GABPB1: variants seen among roughly 807,000 people sequenced by gnomAD.
GABPB1 encodes the protein GA binding protein transcription factor subunit beta 1.
GABPB1 carries 15 observed loss-of-function variants against 45.9 expected under a neutral mutation model. That is an observed-to-expected ratio of 0.33 (90% CI 0.22 to 0.50). The LOEUF is 0.50. Ranked by LOEUF, GABPB1 falls within the 20% of genes least tolerant of loss-of-function variation. The pLI, the probability that GABPB1 is intolerant of heterozygous loss-of-function variation, is 0.98. For synonymous variants in GABPB1, 143 were observed against 154.4 expected (o/e 0.93, Z 0.55); for missense variants, 252 against 457.5 (o/e 0.55, Z 4.10).
chr15:50,298,736 G>C (rs1372312918), intron 6 of GABPB1, among the ~76,000 whole-genome samples: 2 of 152,164 alleles, frequency 1.3e-5, no homozygotes, highest in African/African-American at 4.8e-5. Context: ...GCAGATCACT[G>C]AGGTGAGGAG....
chr15:50,293,383 A>G (rs1462945949), intron 6 of GABPB1, among the ~76,000 whole-genome samples: 2 of 152,240 alleles, frequency 1.3e-5, no homozygotes, highest in East Asian at 1.9e-4. Flanking sequence ...AAGGATCACA[A>G]TACAAACCAC....
At chr15:50,314,456 T>G (rs1372254312) in intron 1 of GABPB1, 1 of 152,636 alleles carries the variant, frequency 6.6e-6, no homozygotes, top group African/African-American at 2.4e-5. Context: ...GTGCTGGGAT[T>G]ACAGGCGTGA....
At chr15:50,289,767 C>CTTTTCAT in intron 6 of GABPB1, 99 bp from the exon 7 acceptor site, 1 of 701,840 alleles carries the variant, frequency 1.4e-6, no homozygotes, top group Non-Finnish European at 2.2e-6. Flanking sequence ...ATGCTTCTTT[C>CTTTTCAT]TTTTCTTTTT....
At chr15:50,328,257 A>G (rs1264287619) in intron 1 of GABPB1, among the ~76,000 whole-genome samples, 15 of 151,684 alleles carry the variant, frequency 9.9e-5, no homozygotes, top group Admixed American at 9.2e-4. Flanking sequence ...AAAAAATTGT[A>G]CTTTACAGCT....
chr15:50,342,165 T>C (rs2048397795), intron 1 of GABPB1, among the ~76,000 whole-genome samples: 4 of 152,214 alleles, frequency 2.6e-5, no homozygotes. Flanking sequence ...CTCCGATAAG[T>C]TTCCCTTGAC....
chr15:50,335,029 G>A (rs1477593063), intron 1 of GABPB1, among the ~76,000 whole-genome samples: 1 of 152,210 alleles, frequency 6.6e-6, no homozygotes, highest in African/African-American at 2.4e-5. Flanking sequence ...GGCCTAAGAT[G>A]AAGGAGCCTT....
intron 6 of GABPB1, among the ~76,000 whole-genome samples, chr15:50,299,423 G>C (rs1341316481): frequency 6.6e-6 from 1 of 152,158 alleles, no homozygotes; most frequent in Non-Finnish European, 1.5e-5. Flanking sequence ...TTTTGAGACA[G>C]AGTTTTGCTC....
intron 1 of GABPB1, among the ~76,000 whole-genome samples, chr15:50,316,971 G>A (rs2047354294): frequency 6.6e-6 from 1 of 151,752 alleles, no homozygotes; most frequent in Non-Finnish European, 1.5e-5. Context: ...TAATATTTCA[G>A]TACAGATCTC....
chr15:50,339,197 A>C (rs1051361602), intron 1 of GABPB1, among the ~76,000 whole-genome samples: 1 of 152,188 alleles, frequency 6.6e-6, no homozygotes, highest in Non-Finnish European at 1.5e-5. Flanking sequence ...GCGTGCCTGT[A>C]GTCCCAGTTA....
intron 7 of GABPB1, among the ~76,000 whole-genome samples, chr15:50,287,615 A>T (rs1055957651): frequency 3.9e-5 from 6 of 152,184 alleles, no homozygotes; most frequent in African/African-American, 1.4e-4. Flanking sequence ...GAAGAAACCA[A>T]ACCTGCCCAA....
chr15:50,337,062 TG>T (rs2141142397), intron 1 of GABPB1, among the ~76,000 whole-genome samples: 2 of 40,300 alleles, frequency 5.0e-5, no homozygotes, highest in South Asian at 7.2e-4. Flanking sequence ...AAAAATTACA[TG>T]TATATGTGTG....
At chr15:50,314,914 C>T (rs762741624) in intron 1 of GABPB1, among the ~76,000 whole-genome samples, 3 of 152,218 alleles carry the variant, frequency 2.0e-5, no homozygotes, top group African/African-American at 4.8e-5. Context: ...ACCAATATCA[C>T]GTATCAATCA....
chr15:50,291,634 A>T (rs1403129022), intron 6 of GABPB1, among the ~76,000 whole-genome samples: 2 of 151,776 alleles, frequency 1.3e-5, no homozygotes, highest in East Asian at 1.9e-4. Flanking sequence ...CCTGAATTTT[A>T]AAAAATCTTT....
chr15:50,346,587 G>GTTTTTTT (rs67151288), intron 1 of GABPB1, among the ~76,000 whole-genome samples: 25 of 119,902 alleles, frequency 2.1e-4, no homozygotes, highest in African/African-American at 3.9e-4. Context: ...ACAACAGAAA[G>GTTTTTTT]TTTTTTTTTT....
At chr15:50,330,994 C>G (rs1346845083) in intron 1 of GABPB1, among the ~76,000 whole-genome samples, 1 of 152,248 alleles carries the variant, frequency 6.6e-6, no homozygotes, top group Non-Finnish European at 1.5e-5. Context: ...CAAAAGGCCT[C>G]TCTGAGGAGG....
chr15:50,346,594 T>G lies in GABPB1; in HGVS notation c.-1+8391A>C, dbSNP rs561900533. ...GCTTACAAACAACAGAAAGTTTTTT[T>G]TTTTTTTTTTTTGTAGAGATGGGAG... On this transcript the variant is annotated intron_variant, in intron 1 of 8. Transcript: ENST00000380877. Among the ~76,000 whole-genome samples the G allele has an allele frequency of 8.8e-4, 130 of 147,718 alleles. 1 individual carries two copies. The highest frequency in any genetic ancestry group is 6.7e-4 in the Non-Finnish European group (45 of 66,988).
intron 1 of GABPB1, chr15:50,354,668 G>C (rs1420381823): frequency 1.2e-5 from 5 of 421,690 alleles, no homozygotes; most frequent in Non-Finnish European, 2.3e-5. Context: ...GGACCGGCAA[G>C]CCGGGTAGCC....
chr15:50,342,196 ACTT>A (rs2141161995), intron 1 of GABPB1, among the ~76,000 whole-genome samples: 1 of 152,264 alleles, frequency 6.6e-6, no homozygotes, highest in Admixed American at 6.5e-5. Flanking sequence ...TGAATTAATC[ACTT>A]CTTTATTCTC....
chr15:50,340,547 CAAAAAAAAAAAA>C (rs397853899), intron 1 of GABPB1, among the ~76,000 whole-genome samples: 1 of 110,794 alleles, frequency 9.0e-6, no homozygotes, highest in South Asian at 3.2e-4. Context: ...CTATAATCAC[CAAAAAAAAAAAA>C]AAAAAAAAAA....
Sources: allele counts gnomAD v4.1 joint callset (sites outside exome capture counted in the v4.1 genomes callset), GRCh38; gene constraint gnomAD v4.1.1; transcripts MANE v1.5; gene names NCBI Gene and HGNC (gene_info 2026-07-23, HGNC 2026-07-21).